CREM: variants seen among roughly 807,000 people sequenced by gnomAD.
CREM encodes the protein cAMP-responsive element modulator.
In CREM, 13 loss-of-function variants were observed where a neutral mutation model predicts 37.3. That is an observed-to-expected ratio of 0.35 (90% CI 0.23 to 0.55). The LOEUF is 0.55. CREM is among the 20% of genes least tolerant of loss of function. The pLI is 0.88. For synonymous variants in CREM, 124 were observed against 120.2 expected (o/e 1.03, Z -0.21); for missense variants, 296 against 362.3 (o/e 0.82, Z 1.49).
intron 3 of CREM, among the ~76,000 whole-genome samples, chr10:35,155,759 C>T (rs1187535172): frequency 6.6e-6 from 1 of 151,702 alleles, no homozygotes; most frequent in Non-Finnish European, 1.5e-5. Flanking sequence ...TTCCCGAGAG[C>T]TGGGACTACA....
chr10:35,148,358 G>T lies in CREM; in HGVS notation c.45-10G>T. On this transcript the variant is annotated splice_polypyrimidine_tract_variant and intron_variant, in intron 2 of 7. Coordinates refer to ENST00000685392, the MANE Select transcript of CREM (RefSeq NM_183011.2). ...GCCTTAATTTGTCTTCCTTTTTATTGTCTTTTCAGACAAATGACCATGGAA... is the reference window on the plus strand; with the variant it reads ...GCCTTAATTTGTCTTCCTTTTTATTTTCTTTTCAGACAAATGACCATGGAA... 3 of 1,601,588 alleles carry T rather than the reference G, an allele frequency of 1.9e-6. No individual in the cohort carries two copies. Among genetic ancestry groups the T allele is most frequent in the East Asian group, 2.3e-5 (1 of 44,080 alleles).
chr10:35,169,594 C>T (rs1213739607), intron 3 of CREM, among the ~76,000 whole-genome samples: 11 of 152,184 alleles, frequency 7.2e-5, no homozygotes. Flanking sequence ...ATTTCTTTCT[C>T]CTGCCTGATT....
chr10:35,132,114 T>C (rs1361202202), intron 1 of CREM, among the ~76,000 whole-genome samples: 1 of 149,952 alleles, frequency 6.7e-6, no homozygotes, highest in Non-Finnish European at 1.5e-5. Flanking sequence ...GGCAGGAGAA[T>C]CGCTTGAACC....
chr10:35,146,733 A>T (rs970233230), intron 2 of CREM, among the ~76,000 whole-genome samples: 1 of 152,234 alleles, frequency 6.6e-6, no homozygotes, highest in African/African-American at 2.4e-5. Context: ...TGTCCTGGTC[A>T]GTTATAAGTA....
chr10:35,197,625 T>C (rs1218249157), intron 6 of CREM, among the ~76,000 whole-genome samples: 2 of 151,702 alleles, frequency 1.3e-5, no homozygotes, highest in Non-Finnish European at 2.9e-5. Context: ...GCTAATTTTG[T>C]TTTTTTGTAT....
At chr10:35,161,974 C>G (rs1382452579) in intron 3 of CREM, among the ~76,000 whole-genome samples, 1 of 152,088 alleles carries the variant, frequency 6.6e-6, no homozygotes, top group Non-Finnish European at 1.5e-5. Context: ...ATCTGCACTT[C>G]CATATTTATT....
chr10:35,133,063 C>T (rs2089737139), intron 1 of CREM, among the ~76,000 whole-genome samples: 1 of 152,126 alleles, frequency 6.6e-6, no homozygotes, highest in Non-Finnish European at 1.5e-5. Flanking sequence ...TTTTGTTCCA[C>T]ATTCTTTTCT....
Position 35,206,367 on chromosome 10 carries a change from T to A in CREM, c.599-528T>A, listed in dbSNP as rs181847563. Among the ~76,000 whole-genome samples, 379 of 152,348 alleles carry A rather than the reference T, an allele frequency of 2.5e-3. 3 individuals are homozygous for A. Among genetic ancestry groups the A allele is most frequent in the African/African-American group, 8.8e-3 (367 of 41,578 alleles). On this transcript the variant is annotated intron_variant, in intron 6 of 7. Transcript: ENST00000685392. ...AAACATTAGTACTCAAAACTCATAATTTCCAAGTATTTTCTCTGTGCTCTG... is the reference window on the plus strand; with the variant it reads ...AAACATTAGTACTCAAAACTCATAAATTCCAAGTATTTTCTCTGTGCTCTG...
At chr10:35,177,344 T>C (rs1263492479) in intron 3 of CREM, among the ~76,000 whole-genome samples, 2 of 152,248 alleles carry the variant, frequency 1.3e-5, no homozygotes, top group Non-Finnish European at 2.9e-5. Flanking sequence ...TTTCTGACAC[T>C]AATTATAAAA....
intron 2 of CREM, among the ~76,000 whole-genome samples, chr10:35,138,569 C>T (rs1419617579): frequency 2.0e-5 from 3 of 150,142 alleles, no homozygotes; most frequent in African/African-American, 4.9e-5. Flanking sequence ...CACTGTTACC[C>T]AGGCTGGTGT....
chr10:35,166,390 G>A (rs1031249237), intron 3 of CREM, among the ~76,000 whole-genome samples: 7 of 151,812 alleles, frequency 4.6e-5, no homozygotes, highest in Admixed American at 6.6e-5. Context: ...GTGAAACTCC[G>A]TCTCTACTAA....
intron 5 of CREM, among the ~76,000 whole-genome samples, chr10:35,185,727 T>G (rs1409246978): frequency 6.6e-6 from 1 of 152,218 alleles, no homozygotes; most frequent in Non-Finnish European, 1.5e-5. Context: ...CTGCTCTAGG[T>G]GAGCCAGATA....
intron 6 of CREM, among the ~76,000 whole-genome samples, chr10:35,204,389 C>T (rs778621250): frequency 2.0e-5 from 3 of 152,024 alleles, no homozygotes; most frequent in African/African-American, 4.8e-5. Flanking sequence ...ATCACGAGGT[C>T]GGGAGATCAA....
At chr10:35,132,118 T>C (rs572413497) in intron 1 of CREM, among the ~76,000 whole-genome samples, 1 of 151,610 alleles carries the variant, frequency 6.6e-6, no homozygotes, top group East Asian at 1.9e-4. Context: ...GGAGAATCGC[T>C]TGAACCCGGG....
intron 1 of CREM, chr10:35,127,691 A>G (rs941888839): frequency 2.0e-5 from 3 of 152,296 alleles, no homozygotes; most frequent in African/African-American, 7.2e-5. Context: ...CAGCTGAGTC[A>G]TTCGGTCCCG....
chr10:35,196,093 C>T lies in CREM; in HGVS notation c.598+7705C>T, dbSNP rs370167560. On this transcript the variant is annotated intron_variant, in intron 6 of 7. Transcript: ENST00000685392. ...CAGAACTCAGGAGTTGTCTGGCCAG[C>T]TTAGTGGTAAGATCGAGCCTCCTAC... The T allele has an allele frequency of 1.6e-4, 262 of 1,613,994 alleles. 1 individual carries two copies. Among genetic ancestry groups the T allele is most frequent in the Non-Finnish European group, 2.2e-4 (254 of 1,180,024 alleles).
At chr10:35,179,447 A>G (rs936870576) in intron 5 of CREM, 171 bp downstream of exon 5, 2 of 764,054 alleles carry the variant, frequency 2.6e-6, no homozygotes, top group African/African-American at 3.6e-5. Context: ...CTTTGTATTG[A>G]CAGCTGTCAT....
intron 3 of CREM, among the ~76,000 whole-genome samples, chr10:35,161,813 T>A (rs1004219746): frequency 6.6e-6 from 1 of 152,210 alleles, no homozygotes; most frequent in African/African-American, 2.4e-5. Context: ...GGAACACTTA[T>A]ACACTGACGG....
intron 3 of CREM, among the ~76,000 whole-genome samples, chr10:35,150,094 G>A (rs1030444264): frequency 1.3e-5 from 2 of 152,070 alleles, no homozygotes; most frequent in Non-Finnish European, 2.9e-5. Context: ...AGAATAGAAA[G>A]CATATACTTT....
Sources: gnomAD v4.1 joint callset for allele counts (sites outside exome capture counted in the v4.1 genomes callset) on GRCh38, gnomAD v4.1.1 for gene constraint, MANE v1.5 for transcripts, NCBI Gene and HGNC (gene_info 2026-07-23, HGNC 2026-07-21) for gene names.